ADD2: variants seen among roughly 807,000 people sequenced by gnomAD.
ADD2 encodes the protein beta-adducin.
ADD2 carries 23 observed loss-of-function variants against 83.0 expected under a neutral mutation model. The observed-to-expected ratio is 0.28, with a 90% CI of 0.20 to 0.39. The LOEUF is 0.39. Among genes scored for constraint, ADD2 ranks in the 10% least tolerant of loss-of-function variants. The pLI is 1.00. For missense variants in ADD2, 758 were observed against 944.9 expected (o/e 0.80, Z 2.59); for synonymous variants, 375 against 375.4 (o/e 1.00, Z 0.01).
intron 1 of ADD2, among the ~76,000 whole-genome samples, chr2:70,764,608 G>A (rs1044447028): frequency 1.3e-5 from 2 of 151,920 alleles, no homozygotes; most frequent in African/African-American, 2.4e-5. Context: ...CATTTTTACT[G>A]CTAATTATTT....
chr2:70,684,421 T>A (rs1437683379), intron 9 of ADD2, among the ~76,000 whole-genome samples: 11 of 152,118 alleles, frequency 7.2e-5, no homozygotes, highest in African/African-American at 2.7e-4. Flanking sequence ...CAAATTTTTG[T>A]ATTTTTTGTA....
In ADD2 at chr2:70,657,314, C is replaced by T. The variant is rs1431809866; in HGVS notation, c.*6111G>A. 1 of 152,208 alleles carries T rather than the reference C, an allele frequency of 6.6e-6. No homozygotes were observed. The highest frequency in any genetic ancestry group is 1.5e-5 in the Non-Finnish European group (1 of 68,042). 9.4% of individuals were successfully genotyped at this position (152,208 alleles called of 1,614,324 possible). ...ACACAGACATTTCACTGAAACCATC[C>T]ATAGCTTTAGAGAACACTGCATTCT... On this transcript the variant is annotated 3_prime_UTR_variant, in exon 16 of 16. Transcript: ENST00000264436.
At chr2:70,672,852 C>T (rs2104202819) in intron 15 of ADD2, 26 bp downstream of exon 15, 1 of 1,598,660 alleles carries the variant, frequency 6.3e-7, no homozygotes, top group South Asian at 1.1e-5. Flanking sequence ...CTCTCCCTCC[C>T]TCCCAGCCTA....
chr2:70,734,018 G>A (rs1358059551), intron 1 of ADD2, among the ~76,000 whole-genome samples: 2 of 152,100 alleles, frequency 1.3e-5, no homozygotes, highest in Non-Finnish European at 2.9e-5. Flanking sequence ...CCTCAGCAGT[G>A]CCTTCCGCCC....
At chr2:70,698,739 T>C (rs577992336) in intron 4 of ADD2, among the ~76,000 whole-genome samples, 26 of 152,282 alleles carry the variant, frequency 1.7e-4, no homozygotes, top group African/African-American at 5.8e-4. Context: ...ACAACAAGTT[T>C]TTAAAAGCTT....
At chr2:70,759,678 G>A (rs1674983264) in intron 1 of ADD2, among the ~76,000 whole-genome samples, 1 of 152,038 alleles carries the variant, frequency 6.6e-6, no homozygotes, top group Middle Eastern at 3.2e-3. Context: ...CTCTGCACAC[G>A]CCAGCTCCCC....
At chr2:70,717,610 G>A (rs13004980) in intron 1 of ADD2, 19,926 of 152,276 alleles carry the variant, frequency 0.13, 1,551 homozygotes, top group Middle Eastern at 0.25. Flanking sequence ...CCGGCCCCAC[G>A]GATCAGCTCC....
intron 10 of ADD2, among the ~76,000 whole-genome samples, chr2:70,681,874 T>C (rs1670468658): frequency 2.6e-5 from 4 of 152,152 alleles, no homozygotes; most frequent in Admixed American, 2.6e-4. Flanking sequence ...CATGCCACCA[T>C]GCCTGGCCAT....
Position 70,678,841 on chromosome 2 carries a change from C to G in ADD2, c.1246G>C (p.Val416Leu), listed in dbSNP as rs1351794165. ...TGGGCATGCTGTCGCAGGGCGGGCA[C>G]CGGGGCACCGTCCTCCTCAAACACG... ...AFVFEEDGAP[V>L]PALRQHAQKQ... Residue 416 changes from valine (V) to leucine (L), a missense_variant, in exon 11 of 16, where the codon GTG (valine) becomes CTG (leucine). By Grantham distance (32) the Val-to-Leu change is conservative. Around this residue, in one of 5 missense-constraint regions of ADD2, gnomAD observed 394 missense variants for 509.3 expected, o/e 0.77. Coordinates refer to ENST00000264436, the MANE Select transcript of ADD2 (RefSeq NM_001617.4). 6.2e-7 allele frequency: 1 copy of G among 1,614,088 alleles called. No individual in the cohort carries two copies. The highest frequency in any genetic ancestry group is 1.3e-5 in the African/African-American group (1 of 74,928).
At chr2:70,747,666 C>T (rs1436611510) in intron 1 of ADD2, among the ~76,000 whole-genome samples, 1 of 152,226 alleles carries the variant, frequency 6.6e-6, no homozygotes, top group Non-Finnish European at 1.5e-5. Context: ...CATAGTCACT[C>T]AGGCAAGAGA....
chr2:70,717,856 T>A (rs2104427675), intron 1 of ADD2: 1 of 152,374 alleles, frequency 6.6e-6, no homozygotes, highest in East Asian at 1.9e-4. Flanking sequence ...GGGGAAAGCT[T>A]ATCATCATTT....
intron 8 of ADD2, 72 bp downstream of exon 8, chr2:70,690,714 A>T: frequency 1.3e-6 from 2 of 1,520,562 alleles, no homozygotes; most frequent in Non-Finnish European, 1.8e-6. Context: ...TCCAATGAAC[A>T]TATGTCACTT....
intron 15 of ADD2, among the ~76,000 whole-genome samples, chr2:70,672,002 A>C (rs1553367147): frequency 6.6e-6 from 1 of 152,126 alleles, no homozygotes; most frequent in African/African-American, 2.4e-5. Context: ...CAGGAACTAT[A>C]ATTCTTATCC....
At chr2:70,717,051 G>A (rs1396221302) in intron 1 of ADD2, among the ~76,000 whole-genome samples, 5 of 151,854 alleles carry the variant, frequency 3.3e-5, no homozygotes, top group Non-Finnish European at 7.4e-5. Context: ...CTCCTCCCTT[G>A]AGCACCCCCT....
intron 9 of ADD2, among the ~76,000 whole-genome samples, chr2:70,687,672 A>C (rs1430659380): frequency 6.6e-6 from 1 of 152,188 alleles, no homozygotes; most frequent in Non-Finnish European, 1.5e-5. Flanking sequence ...TGCAACAGGT[A>C]TACCCCACGT....
intron 10 of ADD2, among the ~76,000 whole-genome samples, chr2:70,680,284 A>G (rs1553369316): frequency 6.6e-6 from 1 of 152,164 alleles, no homozygotes; most frequent in African/African-American, 2.4e-5. Flanking sequence ...CAAGTAGTCT[A>G]TCTTTCCCTC....
chr2:70,756,692 C>T (rs1271410780), intron 1 of ADD2, among the ~76,000 whole-genome samples: 3 of 152,102 alleles, frequency 2.0e-5, no homozygotes, highest in South Asian at 2.1e-4. Flanking sequence ...GGCATAGAGT[C>T]AGGTGACACG....
chr2:70,670,819 T>C (rs1553366938), intron 15 of ADD2, among the ~76,000 whole-genome samples: 2 of 152,190 alleles, frequency 1.3e-5, no homozygotes, highest in African/African-American at 4.8e-5. Flanking sequence ...ACAGCTTGTG[T>C]CCTCGTCATG....
chr2:70,706,462 G>C lies in ADD2; in HGVS notation c.-34-20C>G. On this transcript the variant is annotated intron_variant, in intron 2 of 15. Coordinates refer to ENST00000264436, the MANE Select transcript of ADD2 (RefSeq NM_001617.4). This position sits in a 1 kb window ranked among gnomAD's most constrained non-coding sequence, Gnocchi z 5.0. ...GGAACTCTACAGAGAAGGGGAGAGG[G>C]TATGCGGTCAGGTTGGTGCTCCCCA... 3 of 1,554,580 alleles carry C rather than the reference G, an allele frequency of 1.9e-6. No individual in the cohort carries two copies. Among genetic ancestry groups the C allele is most frequent in the Non-Finnish European group, 2.6e-6 (3 of 1,152,512 alleles).
Sources: allele counts gnomAD v4.1 joint callset (sites outside exome capture counted in the v4.1 genomes callset), GRCh38; gene constraint gnomAD v4.1.1; regional missense constraint gnomAD v4.1.1; non-coding constraint Gnocchi (gnomAD v3.1); transcripts MANE v1.5; gene names NCBI Gene and HGNC (gene_info 2026-07-23, HGNC 2026-07-21).